Variants in CRTAC1 observed in about 807,000 individuals in gnomAD.
CRTAC1 encodes the protein cartilage acidic protein 1, also known as acidic secreted protein in cartilage.
A neutral mutation model predicts 67.8 loss-of-function variants in CRTAC1; 37 were observed. The ratio of observed to expected loss-of-function variants is 0.55; its 90% CI spans 0.42 to 0.72. CRTAC1 has a LOEUF of 0.72. Ranked by LOEUF, CRTAC1 falls within the 30% of genes least tolerant of loss-of-function variation. The pLI is 0.00. For synonymous variants in CRTAC1, 348 were observed against 371.0 expected (o/e 0.94, Z 0.71); for missense variants, 780 against 931.6 (o/e 0.84, Z 2.12).
In CRTAC1 at chr10:97,895,249, G is replaced by T. The variant is rs375339806; in HGVS notation, c.1482C>A (p.Gly494=). ...LCEMEPVAHF[G]LGKDEASSVE... is the part of the protein sequence containing the mutation. Reference sequence around the variant, plus strand: ...CCCCACCGGACCCCGACTCACCCAGGCCAAAGTGTGCCACGGGCTCCATCT... The same window carrying T: ...CCCCACCGGACCCCGACTCACCCAGTCCAAAGTGTGCCACGGGCTCCATCT... The change falls in exon 11 of 15, where the codon GGC becomes GGA. Residue 494 remains glycine (G), a synonymous_variant. Transcript: ENST00000370597. This position sits in a 1 kb window ranked among gnomAD's most constrained non-coding sequence, Gnocchi z 4.2. 1.5e-5 allele frequency: 24 copies of T among 1,610,398 alleles called. No individual in the cohort carries two copies. The highest frequency in any genetic ancestry group is 1.9e-5 in the Non-Finnish European group (22 of 1,179,956).
At chr10:97,989,456 C>T (rs1003843426) in intron 2 of CRTAC1, among the ~76,000 whole-genome samples, 22 of 152,258 alleles carry the variant, frequency 1.4e-4, no homozygotes, top group African/African-American at 4.8e-4. Flanking sequence ...ATGGTATAGC[C>T]TATTGATCCT....
chr10:97,992,053 G>T (rs920033378), intron 2 of CRTAC1, among the ~76,000 whole-genome samples: 5 of 152,182 alleles, frequency 3.3e-5, no homozygotes, highest in Non-Finnish European at 5.9e-5. Context: ...CCATGGCTCT[G>T]GTGCTGTCCA....
At chr10:98,028,502 A>G (rs1268625788) in intron 1 of CRTAC1, among the ~76,000 whole-genome samples, 1 of 152,140 alleles carries the variant, frequency 6.6e-6, no homozygotes, top group Non-Finnish European at 1.5e-5. Flanking sequence ...TATTCTTTCT[A>G]TAGAAGTCTA....
intron 11 of CRTAC1, among the ~76,000 whole-genome samples, chr10:97,888,693 T>C (rs2050321276): frequency 6.6e-6 from 1 of 152,130 alleles, no homozygotes; most frequent in Admixed American, 6.5e-5. Context: ...TTTCCGGGGC[T>C]GCACGGGCTG....
intron 2 of CRTAC1, among the ~76,000 whole-genome samples, chr10:97,997,271 A>G (rs1842600541): frequency 7.4e-6 from 1 of 134,496 alleles, no homozygotes; most frequent in Admixed American, 7.5e-5. Flanking sequence ...ATAATAATAA[A>G]TAAAATAAAA....
At chr10:97,929,385 A>C (rs1416757379) in intron 3 of CRTAC1, among the ~76,000 whole-genome samples, 4 of 152,192 alleles carry the variant, frequency 2.6e-5, no homozygotes, top group African/African-American at 7.2e-5. Flanking sequence ...CACTGGGAGC[A>C]TGAGGTTGTG....
intron 2 of CRTAC1, among the ~76,000 whole-genome samples, chr10:97,995,390 C>G (rs565773123): frequency 6.6e-6 from 1 of 152,158 alleles, no homozygotes; most frequent in Non-Finnish European, 1.5e-5. Flanking sequence ...GAAGAGAGTT[C>G]GAGCATCTCT....
At chr10:97,958,059 G>A (rs2051469196) in intron 2 of CRTAC1, among the ~76,000 whole-genome samples, 1 of 151,914 alleles carries the variant, frequency 6.6e-6, no homozygotes, top group Non-Finnish European at 1.5e-5. Flanking sequence ...TCGTTTGCTG[G>A]CTCTAGGTTT....
chr10:97,901,491 T>A lies in CRTAC1; in HGVS notation c.1133+12A>T. 6.2e-7 allele frequency: 1 copy of A among 1,614,098 alleles called. No individual in the cohort carries two copies. Among genetic ancestry groups the A allele is most frequent in the African/African-American group, 1.3e-5 (1 of 75,054 alleles). On this transcript the variant is annotated intron_variant, in intron 8 of 14. Transcript: ENST00000370597. Reference sequence around the variant, plus strand: ...AAGGATGAAGAGCCACGAGCCAGGATGGAGCATCTACCGGAAGAGGCGGTT... The same window carrying A: ...AAGGATGAAGAGCCACGAGCCAGGAAGGAGCATCTACCGGAAGAGGCGGTT...
chr10:97,970,454 A>T (rs2051689558), intron 2 of CRTAC1, among the ~76,000 whole-genome samples: 1 of 152,216 alleles, frequency 6.6e-6, no homozygotes, highest in Non-Finnish European at 1.5e-5. Flanking sequence ...CCTCAGGGCC[A>T]GCGTGGTCTG....
At chr10:97,913,666 C>T (rs1014923764) in intron 5 of CRTAC1, among the ~76,000 whole-genome samples, 1 of 152,210 alleles carries the variant, frequency 6.6e-6, no homozygotes, top group Admixed American at 6.5e-5. Context: ...GTGTCCTGGG[C>T]TTTGGGTACC....
Position 97,908,011 on chromosome 10 carries a change from A to AC in CRTAC1, c.850+1dup. Reference sequence around the variant, plus strand: ...GCACAGGGCATGGCTGCCTCCACTCACCAGCACTGGCCGCAGCGTCCACAA... The same window carrying AC: ...GCACAGGGCATGGCTGCCTCCACTCACCCAGCACTGGCCGCAGCGTCCACAA... On this transcript the variant is annotated splice_donor_variant, in intron 6 of 14. Coordinates refer to ENST00000370597, the MANE Select transcript of CRTAC1 (RefSeq NM_018058.7). LOFTEE classifies it high-confidence loss of function. 6.2e-7 allele frequency: 1 copy of AC among 1,613,976 alleles called. No individual in the cohort carries two copies. Among genetic ancestry groups the AC allele is most frequent in the Non-Finnish European group, 8.5e-7 (1 of 1,179,918 alleles).
rs1186577106 is a variant in CRTAC1, at chr10:98,030,532, TGCCGCCGGC to T, written c.-69_-61del. 3 of 1,182,866 alleles carry T rather than the reference TGCCGCCGGC, an allele frequency of 2.5e-6. No individual in the cohort carries two copies. Among genetic ancestry groups the T allele is most frequent in the African/African-American group, 1.6e-5 (1 of 62,986 alleles). 73.3% of individuals were successfully genotyped at this position (1,182,866 alleles called of 1,614,324 possible). On this transcript the variant is annotated 5_prime_UTR_variant, in exon 1 of 15. Transcript: ENST00000370597. The surrounding 1 kb of genome is among the most constrained non-coding windows in gnomAD (Gnocchi z 4.2). Reference sequence around the variant, plus strand: ...GGAAGCGGGCGCTCGCTGCCGCCTCTGCCGCCGGCGCCGCCGCCTGCTTGCTCCCAGCCC... The same window carrying T: ...GGAAGCGGGCGCTCGCTGCCGCCTCTGCCGCCGCCTGCTTGCTCCCAGCCC...
intron 2 of CRTAC1, among the ~76,000 whole-genome samples, chr10:97,996,461 C>A (rs1842572208): frequency 6.6e-6 from 1 of 152,020 alleles, no homozygotes. Context: ...GACATTTATG[C>A]AGCCAAAAAA....
intron 2 of CRTAC1, among the ~76,000 whole-genome samples, chr10:97,995,205 T>C (rs1842537658): frequency 6.6e-6 from 1 of 152,226 alleles, no homozygotes; most frequent in Non-Finnish European, 1.5e-5. Flanking sequence ...CTCCATGCTC[T>C]TCTAGAGAGG....
intron 5 of CRTAC1, among the ~76,000 whole-genome samples, chr10:97,908,640 T>C (rs547916810): frequency 2.3e-4 from 35 of 152,360 alleles, no homozygotes; most frequent in African/African-American, 8.4e-4. Context: ...TTACTTTGCT[T>C]TGTTTGACGT....
chr10:98,008,457 A>C (rs1842840917), intron 2 of CRTAC1, among the ~76,000 whole-genome samples: 1 of 152,072 alleles, frequency 6.6e-6, no homozygotes, highest in Admixed American at 6.5e-5. Flanking sequence ...GGTCTCCTGC[A>C]ACAGCCAGGG....
intron 1 of CRTAC1, among the ~76,000 whole-genome samples, chr10:98,014,496 C>A (rs1842960488): frequency 6.6e-6 from 1 of 152,030 alleles, no homozygotes; most frequent in Non-Finnish European, 1.5e-5. Flanking sequence ...TTTGTACATC[C>A]AAGGACACTA....
intron 9 of CRTAC1, among the ~76,000 whole-genome samples, chr10:97,896,226 G>A (rs186094062): frequency 0.014 from 2,104 of 152,200 alleles, 31 homozygotes; most frequent in Non-Finnish European, 0.019. Flanking sequence ...GAGGGTGTGT[G>A]CAAATTACTC....
Sources: gnomAD v4.1 joint callset for allele counts (sites outside exome capture counted in the v4.1 genomes callset) on GRCh38, gnomAD v4.1.1 for gene constraint, Gnocchi (gnomAD v3.1) non-coding constraint, MANE v1.5 for transcripts, NCBI Gene and HGNC (gene_info 2026-07-23, HGNC 2026-07-21) for gene names.